MYO16: variants seen among roughly 807,000 people sequenced by gnomAD.
The protein encoded by MYO16 is myosin XVI.
In MYO16, 94 loss-of-function variants were observed where a neutral mutation model predicts 205.3. That is an observed-to-expected ratio of 0.46 (90% CI 0.39 to 0.54). The LOEUF (loss-of-function observed/expected upper bound fraction) is 0.54, where lower values mean the gene tolerates loss of function less well. Ranked by LOEUF, MYO16 falls within the 20% of genes least tolerant of loss-of-function variation. The pLI is 0.00. For synonymous variants in MYO16, 988 were observed against 954.0 expected, an observed-to-expected ratio of 1.04 and a Z score of -0.66; for missense variants, 2,315 against 2,387.5, an observed-to-expected ratio of 0.97 and a Z score of 0.63.
chr13:108,914,441 G>GA (rs1881400475), intron 16 of MYO16, among the ~76,000 whole-genome samples: 1 of 152,014 alleles, frequency 6.6e-6, no homozygotes, highest in African/African-American at 2.4e-5. Flanking sequence ...GAATTTGGAT[G>GA]AAGTACACTA....
At chr13:108,960,598 A>G (rs564073323) in intron 17 of MYO16, among the ~76,000 whole-genome samples, 1 of 152,328 alleles carries the variant, frequency 6.6e-6, no homozygotes, top group Admixed American at 6.5e-5. Flanking sequence ...GCACATCAGC[A>G]TTGTTCTTAG....
At chr13:109,009,194 G>A (rs1394830352) in intron 22 of MYO16, 145 bp downstream of exon 22, 6 of 595,020 alleles carry the variant, frequency 1.0e-5, no homozygotes, top group Middle Eastern at 4.4e-4. Context: ...GTATTGAGGT[G>A]CACAAGTTAT....
intron 27 of MYO16, among the ~76,000 whole-genome samples, chr13:109,090,501 G>C (rs1315091404): frequency 6.6e-6 from 1 of 152,172 alleles, no homozygotes; most frequent in Non-Finnish European, 1.5e-5. Context: ...TGACGTGACT[G>C]GTCCTGATGC....
intron 11 of MYO16, among the ~76,000 whole-genome samples, chr13:108,864,011 T>C (rs9587713): frequency 0.012 from 1,762 of 152,276 alleles, 34 homozygotes; most frequent in African/African-American, 0.04. Context: ...CCATACAATC[T>C]GTCTTGATGT....
chr13:108,943,751 A>C (rs2139321646), intron 16 of MYO16, among the ~76,000 whole-genome samples: 1 of 151,602 alleles, frequency 6.6e-6, no homozygotes, highest in East Asian at 1.9e-4. Flanking sequence ...ACGCCTGGCT[A>C]ATTTTTTGTA....
chr13:108,896,386 C>T (rs1201846321), intron 14 of MYO16, among the ~76,000 whole-genome samples: 1 of 151,866 alleles, frequency 6.6e-6, no homozygotes, highest in Non-Finnish European at 1.5e-5. Context: ...ATTTTTTTCC[C>T]AGAAAACATT....
intron 34 of MYO16, among the ~76,000 whole-genome samples, chr13:109,189,924 G>GTT (rs55963432): frequency 8.7e-5 from 13 of 149,378 alleles, no homozygotes; most frequent in African/African-American, 1.7e-4. Flanking sequence ...TTTTGTTGTT[G>GTT]TTTTTTTTTC....
chr13:108,947,856 A>C (rs768811704), intron 16 of MYO16, among the ~76,000 whole-genome samples: 3 of 152,256 alleles, frequency 2.0e-5, no homozygotes, highest in Non-Finnish European at 2.9e-5. Flanking sequence ...CAAGACCCGA[A>C]GACTTTCTGA....
chr13:108,540,532 A>G, the MYO16 span, among the ~76,000 whole-genome samples: 1 of 152,138 alleles, frequency 6.6e-6, no homozygotes, highest in Non-Finnish European at 1.5e-5. Context: ...ACAAGGAAGA[A>G]ACTATTTAGA....
intron 12 of MYO16, among the ~76,000 whole-genome samples, chr13:108,871,958 C>A (rs1306141620): frequency 1.3e-5 from 2 of 152,332 alleles, no homozygotes; most frequent in East Asian, 3.9e-4. Context: ...TTGACTGATA[C>A]TAGCTGCTTC....
intron 33 of MYO16, among the ~76,000 whole-genome samples, chr13:109,173,875 G>A (rs568063288): frequency 5.1e-4 from 54 of 106,300 alleles, no homozygotes; most frequent in Admixed American, 1.5e-3. Context: ...GTGACAGAGC[G>A]AGACTCCATC....
chr13:108,682,792 G>T (rs551786168), intron 2 of MYO16, among the ~76,000 whole-genome samples: 1 of 152,086 alleles, frequency 6.6e-6, no homozygotes, highest in Non-Finnish European at 1.5e-5. Flanking sequence ...AGGCCGTTTC[G>T]AGCTGCTGAA....
intron 7 of MYO16, among the ~76,000 whole-genome samples, chr13:108,808,024 G>T (rs1289594148): frequency 6.6e-6 from 1 of 152,074 alleles, no homozygotes; most frequent in Non-Finnish European, 1.5e-5. Flanking sequence ...AGTTTTTCCT[G>T]ACTCATAAGG....
the MYO16 span, among the ~76,000 whole-genome samples, chr13:108,535,808 A>G: frequency 6.6e-6 from 1 of 152,176 alleles, no homozygotes; most frequent in African/African-American, 2.4e-5. Flanking sequence ...TGCTTTAACT[A>G]TAGACCCAGC....
At chr13:108,758,434 T>A (rs535494371) in intron 4 of MYO16, among the ~76,000 whole-genome samples, 15 of 152,322 alleles carry the variant, frequency 9.8e-5, no homozygotes, top group African/African-American at 3.4e-4. Context: ...CTGTAAGAGA[T>A]CACTGTTATC....
upstream of MYO16, among the ~76,000 whole-genome samples, chr13:108,592,773 G>T: frequency 6.9e-6 from 1 of 145,798 alleles, no homozygotes; most frequent in East Asian, 2.0e-4. Flanking sequence ...TAGGGACCTG[G>T]CATTCATTCT....
chr13:109,188,515 G>A (rs1379412651), intron 34 of MYO16, among the ~76,000 whole-genome samples: 1 of 152,186 alleles, frequency 6.6e-6, no homozygotes, highest in East Asian at 1.9e-4. Flanking sequence ...ATTTAGGTAT[G>A]TATTAGATAG....
chr13:108,993,816 C>T (rs1884918128), intron 21 of MYO16, among the ~76,000 whole-genome samples: 1 of 152,120 alleles, frequency 6.6e-6, no homozygotes, highest in Non-Finnish European at 1.5e-5. Context: ...TCTCTCAGCT[C>T]AAGGGTTTGA....
intron 21 of MYO16, among the ~76,000 whole-genome samples, chr13:109,002,739 T>C (rs1885258636): frequency 6.6e-6 from 1 of 152,218 alleles, no homozygotes; most frequent in African/African-American, 2.4e-5. Flanking sequence ...GTATACGAAC[T>C]AATTTGCCTG....
Sources: gnomAD v4.1 joint callset for allele counts (sites outside exome capture counted in the v4.1 genomes callset) on GRCh38, gnomAD v4.1.1 for gene constraint, MANE v1.5 for transcripts, NCBI Gene and HGNC (gene_info 2026-07-23, HGNC 2026-07-21) for gene names.